TNFSF4: variants seen among roughly 807,000 people sequenced by gnomAD.
TNFSF4 encodes the protein TNF superfamily member 4, also known as tumor necrosis factor ligand superfamily member 4.
Under a neutral mutation model 7.3 loss-of-function variants are expected in TNFSF4, and 4 were observed. That is an observed-to-expected ratio of 0.55 (90% confidence interval 0.27 to 1.25). TNFSF4 has a LOEUF of 1.25. Ranked by LOEUF, TNFSF4 falls within the 50% of genes most tolerant of loss-of-function variation. TNFSF4 has a pLI of 0.12. For missense variants in TNFSF4, 181 were observed against 208.8 expected, an observed-to-expected ratio of 0.87 and a Z score of 0.82; for synonymous variants, 76 against 83.7, an observed-to-expected ratio of 0.91 and a Z score of 0.50.
At chr1:173,430,371 CAG>C in the TNFSF4 span, among the ~76,000 whole-genome samples, 5 of 152,334 alleles carry the variant, frequency 3.3e-5, no homozygotes, top group East Asian at 1.9e-4. Context: ...ATAACTTTCA[CAG>C]AGTCTTCCAC....
the TNFSF4 span, among the ~76,000 whole-genome samples, chr1:173,435,958 T>C: frequency 1.3e-5 from 2 of 152,166 alleles, no homozygotes; most frequent in Admixed American, 6.5e-5. Context: ...TTCTCAGAAG[T>C]AGAATTACTA....
chr1:173,367,310 C>T, the TNFSF4 span, among the ~76,000 whole-genome samples: 1 of 152,182 alleles, frequency 6.6e-6, no homozygotes, highest in African/African-American at 2.4e-5. Context: ...ATTCATCTGA[C>T]GATACAGCCT....
chr1:173,447,530 G>T, the TNFSF4 span, among the ~76,000 whole-genome samples: 3 of 152,160 alleles, frequency 2.0e-5, no homozygotes, highest in South Asian at 4.1e-4. Context: ...CACTCAATTT[G>T]TCTGTGAACC....
the TNFSF4 span, among the ~76,000 whole-genome samples, chr1:173,321,946 C>G: frequency 6.6e-6 from 1 of 152,124 alleles, no homozygotes; most frequent in Non-Finnish European, 1.5e-5. Context: ...CCATTTGACC[C>G]AACAATCCCA....
At chr1:173,424,676 C>T in the TNFSF4 span, among the ~76,000 whole-genome samples, 1 of 151,666 alleles carries the variant, frequency 6.6e-6, no homozygotes, top group Non-Finnish European at 1.5e-5. Flanking sequence ...CCAGGTCCCA[C>T]AAAAAAGAGT....
the TNFSF4 span, among the ~76,000 whole-genome samples, chr1:173,322,428 G>A: frequency 3.9e-5 from 6 of 152,094 alleles, no homozygotes; most frequent in East Asian, 9.6e-4. Context: ...TGGCCGAATA[G>A]GAACAGCTCC....
At chr1:173,312,956 A>G in the TNFSF4 span, among the ~76,000 whole-genome samples, 1 of 152,112 alleles carries the variant, frequency 6.6e-6, no homozygotes, top group Non-Finnish European at 1.5e-5. Context: ...CAAGGCCTGC[A>G]GATTCAGCTG....
the TNFSF4 span, among the ~76,000 whole-genome samples, chr1:173,328,440 C>T: frequency 6.6e-6 from 1 of 151,584 alleles, no homozygotes; most frequent in Non-Finnish European, 1.5e-5. Context: ...ACTAACATGG[C>T]ACATGTATAC....
At chr1:173,296,341 T>C in the TNFSF4 span, among the ~76,000 whole-genome samples, 1 of 151,978 alleles carries the variant, frequency 6.6e-6, no homozygotes, top group Non-Finnish European at 1.5e-5. Context: ...AGTCCTAATA[T>C]ATAGAAGGCA....
the TNFSF4 span, among the ~76,000 whole-genome samples, chr1:173,322,795 C>T: frequency 1.3e-5 from 2 of 152,222 alleles, no homozygotes; most frequent in African/African-American, 4.8e-5. Flanking sequence ...ACTGCTAGCA[C>T]AGCAGCCTGA....
At chr1:173,428,058 G>T in the TNFSF4 span, among the ~76,000 whole-genome samples, 1 of 150,526 alleles carries the variant, frequency 6.6e-6, no homozygotes, top group Non-Finnish European at 1.5e-5. Context: ...AGCGATTCCT[G>T]CCTCAGCCTC....
At chr1:173,432,576 AC>A in the TNFSF4 span, among the ~76,000 whole-genome samples, 1 of 152,072 alleles carries the variant, frequency 6.6e-6, no homozygotes, top group Non-Finnish European at 1.5e-5. Flanking sequence ...GGACTTCTAG[AC>A]TCTAGAACTG....
the TNFSF4 span, among the ~76,000 whole-genome samples, chr1:173,311,485 C>G: frequency 6.6e-6 from 1 of 151,972 alleles, no homozygotes; most frequent in African/African-American, 2.4e-5. Flanking sequence ...ATCTGAAGGA[C>G]CCCTCTCCTT....
the TNFSF4 span, among the ~76,000 whole-genome samples, chr1:173,272,504 T>C: frequency 6.6e-6 from 1 of 152,036 alleles, no homozygotes; most frequent in East Asian, 1.9e-4. Context: ...GGATACCTAA[T>C]CGTTTCCCAT....
At chr1:173,335,709 T>C in the TNFSF4 span, among the ~76,000 whole-genome samples, 4 of 152,228 alleles carry the variant, frequency 2.6e-5, no homozygotes, top group Non-Finnish European at 4.4e-5. Flanking sequence ...CTATCATTTC[T>C]AGATTTAAGC....
chr1:173,238,106 C>G, the TNFSF4 span, among the ~76,000 whole-genome samples: 1 of 152,146 alleles, frequency 6.6e-6, no homozygotes, highest in Non-Finnish European at 1.5e-5. Context: ...TAAAGCTACA[C>G]ACCTACAACC....
intron 1 of TNFSF4, among the ~76,000 whole-genome samples, chr1:173,199,002 T>C (rs1351284266): frequency 1.3e-5 from 2 of 152,198 alleles, no homozygotes; most frequent in Non-Finnish European, 2.9e-5. Context: ...AAAACAAGTA[T>C]GCCCACTTTA....
the TNFSF4 span, among the ~76,000 whole-genome samples, chr1:173,229,363 T>C: frequency 2.2e-4 from 33 of 152,234 alleles, no homozygotes; most frequent in South Asian, 6.9e-3. Context: ...AATAAAATCC[T>C]TTACAGACAA....
chr1:173,276,435 GA>G, the TNFSF4 span, among the ~76,000 whole-genome samples: 2 of 152,114 alleles, frequency 1.3e-5, no homozygotes, highest in Non-Finnish European at 2.9e-5. Flanking sequence ...CAAACACTAT[GA>G]TGGCAGGTCA....
Sources: allele counts gnomAD v4.1 joint callset (sites outside exome capture counted in the v4.1 genomes callset), GRCh38; gene constraint gnomAD v4.1.1; transcripts MANE v1.5; gene names NCBI Gene and HGNC (gene_info 2026-07-23, HGNC 2026-07-21).